KIRREL3: variants seen among roughly 807,000 people sequenced by gnomAD.
KIRREL3 encodes kin of IRRE-like protein 3.
In KIRREL3, 36 loss-of-function variants were observed where a neutral mutation model predicts 89.7. That is an observed-to-expected ratio of 0.40 (90% CI 0.31 to 0.53). The LOEUF (loss-of-function observed/expected upper bound fraction) is 0.53, where lower values mean the gene tolerates loss of function less well. Ranked by LOEUF, KIRREL3 falls within the 20% of genes least tolerant of loss-of-function variation. KIRREL3 has a pLI of 0.49. For synonymous variants in KIRREL3, 445 were observed against 441.4 expected (o/e 1.01, Z -0.10); for missense variants, 864 against 1,056.6 (o/e 0.82, Z 2.53).
intron 1 of KIRREL3, among the ~76,000 whole-genome samples, chr11:126,852,862 A>G (rs903752075): frequency 6.6e-6 from 1 of 152,128 alleles, no homozygotes; most frequent in African/African-American, 2.4e-5. Flanking sequence ...GGACTCCCTG[A>G]GCAGAGGCTG....
chr11:126,698,541 G>A lies in KIRREL3; in HGVS notation c.56-135629C>T, dbSNP rs574411073. 5.3e-5 allele frequency among the ~76,000 whole-genome samples: 8 copies of A among 152,316 alleles called. No homozygotes were observed. In the South Asian group the frequency reaches 1.2e-3, roughly 24 times the overall value. On this transcript the variant is annotated intron_variant, in intron 1 of 16. Transcript: ENST00000525144. ...AAGGGGCTGGCAGAGACACCGGCCC[G>A]TGCATCCCGCAGGTGGCAAGTCATA...
intron 1 of KIRREL3, among the ~76,000 whole-genome samples, chr11:126,927,292 C>T (rs1441278947): frequency 6.6e-6 from 1 of 152,202 alleles, no homozygotes; most frequent in Non-Finnish European, 1.5e-5. Context: ...ACACAACACA[C>T]TATGCACTTG....
In KIRREL3 at chr11:126,903,786, G is replaced by GA. The variant is rs1946466668; in HGVS notation, c.55+96668dup. On this transcript the variant is annotated intron_variant, in intron 1 of 16. Coordinates refer to ENST00000525144, the MANE Select transcript of KIRREL3 (RefSeq NM_032531.4). This position sits in a 1 kb window ranked among gnomAD's most constrained non-coding sequence, Gnocchi z 4.5. ...AACATAACAATGGATGTTGCTGGTG[G>GA]AAAAAATAAGAAGACGGTCCTAAAT... Among the ~76,000 whole-genome samples the GA allele has an allele frequency of 4.6e-5, 7 of 152,258 alleles. No individual in the cohort carries two copies. The South Asian group carries it at 1.5e-3, about 32-fold the overall frequency.
intron 1 of KIRREL3, among the ~76,000 whole-genome samples, chr11:126,794,718 C>T (rs1292443769): frequency 6.6e-6 from 1 of 152,170 alleles, no homozygotes; most frequent in Non-Finnish European, 1.5e-5. Context: ...CAGAGTCTTA[C>T]CATGGGATCT....
chr11:126,511,828 A>C (rs1328523954), intron 4 of KIRREL3, among the ~76,000 whole-genome samples: 1 of 152,106 alleles, frequency 6.6e-6, no homozygotes, highest in Non-Finnish European at 1.5e-5. Flanking sequence ...TAAATCCATA[A>C]TTTGCTGTGA....
chr11:126,907,530 G>A (rs1946636189), intron 1 of KIRREL3, among the ~76,000 whole-genome samples: 2 of 152,196 alleles, frequency 1.3e-5, no homozygotes, highest in African/African-American at 4.8e-5. Flanking sequence ...TGGAGGGACA[G>A]GTTGAGAAGC....
At chr11:126,881,736 T>C (rs4589312) in intron 1 of KIRREL3, among the ~76,000 whole-genome samples, 93,492 of 151,792 alleles carry the variant, frequency 0.62, 30,314 homozygotes, top group African/African-American at 0.82. Flanking sequence ...TTAGTAGAGA[T>C]GGGGTTTCAC....
At chr11:126,593,334 G>A (rs1310179033) in intron 1 of KIRREL3, among the ~76,000 whole-genome samples, 1 of 152,166 alleles carries the variant, frequency 6.6e-6, no homozygotes, top group African/African-American at 2.4e-5. Context: ...CTTCAGGGGC[G>A]CCAGCATTTC....
Position 126,430,590 on chromosome 11 carries a change from G to A in KIRREL3, c.1696+829C>T, listed in dbSNP as rs753624073. On this transcript the variant is annotated intron_variant, in intron 14 of 16. Transcript: ENST00000525144. This position sits in a 1 kb window ranked among gnomAD's most constrained non-coding sequence, Gnocchi z 6.6. The stretch of plus-strand genomic sequence containing the variant: ...CTTGAGAGCCAAGGCTGCTTAGCTC[G>A]GAGTGCAGAAAATGCAAGGGGAACA... 7.2e-5 allele frequency among the ~76,000 whole-genome samples: 11 copies of A among 152,158 alleles called. No individual in the cohort carries two copies. The highest frequency in any genetic ancestry group is 1.2e-4 in the Non-Finnish European group (8 of 68,020).
intron 1 of KIRREL3, among the ~76,000 whole-genome samples, chr11:126,792,873 G>T (rs1434053722): frequency 3.3e-5 from 5 of 152,150 alleles, no homozygotes; most frequent in Admixed American, 1.3e-4. Context: ...AATAACAACA[G>T]CAAAAAACTA....
intron 1 of KIRREL3, among the ~76,000 whole-genome samples, chr11:126,629,383 G>C (rs970356820): frequency 2.0e-5 from 3 of 152,118 alleles, no homozygotes; most frequent in Admixed American, 6.5e-5. Flanking sequence ...TGAAGCTCTG[G>C]GGGGAGCTCT....
At chr11:126,864,594 C>T (rs1312181566) in intron 1 of KIRREL3, among the ~76,000 whole-genome samples, 2 of 152,316 alleles carry the variant, frequency 1.3e-5, no homozygotes, top group East Asian at 3.9e-4. Flanking sequence ...TCACAGACTC[C>T]AGTCTGAATT....
chr11:126,971,575 A>C (rs1364893305), intron 1 of KIRREL3, among the ~76,000 whole-genome samples: 4 of 152,210 alleles, frequency 2.6e-5, no homozygotes, highest in Non-Finnish European at 5.9e-5. Context: ...GTCCTATAGG[A>C]GAGTGAGTTC....
chr11:126,975,936 C>CTCCCTCCCTCCCTCCA lies in KIRREL3; in HGVS notation c.55+24518_55+24519insTGGAGGGAGGGAGGGA, dbSNP rs1949561074. 3.1e-5 allele frequency among the ~76,000 whole-genome samples: 4 copies of CTCCCTCCCTCCCTCCA among 128,156 alleles called. No homozygotes were observed. The Admixed American group carries it at 3.2e-4, about 10-fold the overall frequency. 84.1% of individuals were successfully genotyped at this position (128,156 alleles called of 152,430 possible). ...CCTCCCTTCCTCCCTCCCTCCCTCCCTCCCTTCCTTCCTTCCCTCCGTCCC... is the reference window on the plus strand; with the variant it reads ...CCTCCCTTCCTCCCTCCCTCCCTCCCTCCCTCCCTCCCTCCATCCCTTCCTTCCTTCCCTCCGTCCC... On this transcript the variant is annotated intron_variant, in intron 1 of 16. Transcript: ENST00000525144.
chr11:126,498,820 C>T lies in KIRREL3; in HGVS notation c.433+22495G>A, dbSNP rs1957758757. Among the ~76,000 whole-genome samples the T allele has an allele frequency of 6.6e-6, 1 of 152,192 alleles. No individual in the cohort carries two copies. Among genetic ancestry groups the T allele is most frequent in the Non-Finnish European group, 1.5e-5 (1 of 68,044 alleles). Reference sequence around the variant, plus strand: ...ACCTGCGTGGGCCCTCAGTAAATGCCAGTTCTTCACAGGCTCAGGACCTCG... The same window carrying T: ...ACCTGCGTGGGCCCTCAGTAAATGCTAGTTCTTCACAGGCTCAGGACCTCG... On this transcript the variant is annotated intron_variant, in intron 4 of 16. Coordinates refer to ENST00000525144, the MANE Select transcript of KIRREL3 (RefSeq NM_032531.4). The surrounding 1 kb of genome is among the most constrained non-coding windows in gnomAD (Gnocchi z 4.3).
In KIRREL3 at chr11:126,555,313, A is replaced by G. The variant is rs1026629386; in HGVS notation, c.133+7522T>C. On this transcript the variant is annotated intron_variant, in intron 2 of 16. Transcript: ENST00000525144. The surrounding 1 kb of genome is among the most constrained non-coding windows in gnomAD (Gnocchi z 4.2). ...CAAGCCACTCCAGTTCCCACCCACA[A>G]AGAGGGTCAAGGTTAAGGGAATTAT... Among the ~76,000 whole-genome samples, 2 of 152,196 alleles carry G rather than the reference A, an allele frequency of 1.3e-5. No individual in the cohort carries two copies. Among genetic ancestry groups the G allele is most frequent in the Admixed American group, 6.5e-5 (1 of 15,282 alleles).
rs967101658 is a variant in KIRREL3, at chr11:126,607,598, C to T, written c.56-44686G>A. Reference sequence around the variant, plus strand: ...ATTATTAATTGATCGCTGTTATTATCATGTAGGCATTAAGTGGCTTCCTCT... The same window carrying T: ...ATTATTAATTGATCGCTGTTATTATTATGTAGGCATTAAGTGGCTTCCTCT... On this transcript the variant is annotated intron_variant, in intron 1 of 16. Transcript: ENST00000525144. The surrounding 1 kb of genome is among the most constrained non-coding windows in gnomAD (Gnocchi z 6.6). Among the ~76,000 whole-genome samples, 1 of 152,196 alleles carries T rather than the reference C, an allele frequency of 6.6e-6. No individual in the cohort carries two copies. The highest frequency in any genetic ancestry group is 2.4e-5 in the African/African-American group (1 of 41,452).
At chr11:126,893,911 C>G (rs12274924) in intron 1 of KIRREL3, among the ~76,000 whole-genome samples, 1 of 152,222 alleles carries the variant, frequency 6.6e-6, no homozygotes, top group African/African-American at 2.4e-5. Flanking sequence ...ATAAGATGGT[C>G]TCTGTAAAAT....
chr11:126,968,964 C>T (rs1591398694), intron 1 of KIRREL3, among the ~76,000 whole-genome samples: 5 of 152,188 alleles, frequency 3.3e-5, no homozygotes, highest in Admixed American at 3.3e-4. Flanking sequence ...GTCCCTTCGA[C>T]TCTCCAGGTT....
Sources: allele counts gnomAD v4.1 joint callset (sites outside exome capture counted in the v4.1 genomes callset), GRCh38; gene constraint gnomAD v4.1.1; non-coding constraint Gnocchi (gnomAD v3.1); transcripts MANE v1.5; gene names NCBI Gene and HGNC (gene_info 2026-07-23, HGNC 2026-07-21).